The following IL1RAPL1 variants were observed in gnomAD, a reference collection of about 807,000 sequenced individuals.
IL1RAPL1 encodes the protein interleukin-1 receptor accessory protein-like 1.
In IL1RAPL1, 3 loss-of-function variants were observed where a neutral mutation model predicts 48.4. The observed-to-expected ratio is 0.06, with a 90% CI of 0.03 to 0.16. The LOEUF (loss-of-function observed/expected upper bound fraction) is 0.16, where lower values mean the gene tolerates loss of function less well. Among genes scored for constraint, IL1RAPL1 ranks in the 10% least tolerant of loss-of-function variants. The pLI, the probability that IL1RAPL1 is intolerant of heterozygous loss-of-function variation, is 1.00. For missense variants in IL1RAPL1, 349 were observed against 530.6 expected, an observed-to-expected ratio of 0.66 and a Z score of 3.36; for synonymous variants, 185 against 187.7, an observed-to-expected ratio of 0.99 and a Z score of 0.12.
chrX:28,599,659 C>G, intron 1 of IL1RAPL1, among the ~76,000 whole-genome samples: 1 of 111,694 alleles, frequency 9.0e-6, no homozygotes, highest in Middle Eastern at 4.7e-3. Context: ...CTTGAGGGCC[C>G]TATCTGTTGT....
At chrX:29,209,911 A>T (rs1030976319) in intron 2 of IL1RAPL1, among the ~76,000 whole-genome samples, 2 of 111,877 alleles carry the variant, frequency 1.8e-5, no homozygotes, top group Non-Finnish European at 3.8e-5. Flanking sequence ...TTCCTTTTGT[A>T]TTTCATATAT....
intron 5 of IL1RAPL1, among the ~76,000 whole-genome samples, chrX:29,614,788 T>G: frequency 8.9e-6 from 1 of 111,770 alleles, no homozygotes; most frequent in Non-Finnish European, 1.9e-5. Context: ...AAATACAGTA[T>G]GTCTGTTGTT....
intron 5 of IL1RAPL1, among the ~76,000 whole-genome samples, chrX:29,553,699 C>T (rs1473203867): frequency 3.6e-5 from 4 of 110,987 alleles, no homozygotes; most frequent in Non-Finnish European, 7.5e-5. Flanking sequence ...ATACTCTGGG[C>T]ATAGTTCACA....
At chrX:28,946,001 G>T (rs1924293460) in intron 2 of IL1RAPL1, among the ~76,000 whole-genome samples, 1 of 107,749 alleles carries the variant, frequency 9.3e-6, no homozygotes. Flanking sequence ...AAATAACAAT[G>T]TCTAGCATAA....
chrX:28,678,401 A>G (rs1230005045), intron 1 of IL1RAPL1, among the ~76,000 whole-genome samples: 1 of 111,321 alleles, frequency 9.0e-6, no homozygotes, highest in East Asian at 2.8e-4. Context: ...AGGCAAGCAC[A>G]TAATTACATA....
At chrX:29,745,569 C>T (rs759706477) in intron 6 of IL1RAPL1, among the ~76,000 whole-genome samples, 1 of 105,371 alleles carries the variant, frequency 9.5e-6, no homozygotes, top group Non-Finnish European at 1.9e-5. Context: ...GTCCCAGCCT[C>T]TCAAGTAGCT....
intron 6 of IL1RAPL1, among the ~76,000 whole-genome samples, chrX:29,901,452 T>C (rs1932494518): frequency 8.9e-6 from 1 of 112,200 alleles, no homozygotes; most frequent in Admixed American, 9.4e-5. Context: ...TGTGATTCTC[T>C]TGAACAGACC....
chrX:29,763,689 A>G (rs992230873), intron 6 of IL1RAPL1, among the ~76,000 whole-genome samples: 1 of 111,400 alleles, frequency 9.0e-6, no homozygotes, highest in Non-Finnish European at 1.9e-5. Flanking sequence ...ACCATAGACA[A>G]TGAACCAAAG....
At chrX:28,607,671 ATTGCCAC>A (rs1934100908) in intron 1 of IL1RAPL1, among the ~76,000 whole-genome samples, 1 of 110,332 alleles carries the variant, frequency 9.1e-6, no homozygotes, top group African/African-American at 3.3e-5. Flanking sequence ...AAGCATTTTT[ATTGCCAC>A]TCGTGCCTAC....
intron 2 of IL1RAPL1, among the ~76,000 whole-genome samples, chrX:28,986,648 CA>C (rs1925481806): frequency 8.9e-6 from 1 of 112,146 alleles, no homozygotes; most frequent in Admixed American, 9.4e-5. Context: ...TAATTTGAAA[CA>C]TGCTCATTTT....
intron 3 of IL1RAPL1, among the ~76,000 whole-genome samples, chrX:29,303,733 T>C (rs760496581): frequency 2.7e-5 from 3 of 112,172 alleles, no homozygotes; most frequent in Non-Finnish European, 5.6e-5. Flanking sequence ...CCAAGTCGAT[T>C]ATTATTAATG....
intron 5 of IL1RAPL1, among the ~76,000 whole-genome samples, chrX:29,504,829 C>T (rs1207405318): frequency 1.8e-5 from 2 of 111,817 alleles, no homozygotes; most frequent in African/African-American, 3.2e-5. Context: ...AGTCCATTTA[C>T]GTTCAATGTT....
intron 3 of IL1RAPL1, among the ~76,000 whole-genome samples, chrX:29,364,492 G>A (rs1198799034): frequency 9.4e-6 from 1 of 106,037 alleles, no homozygotes; most frequent in East Asian, 2.9e-4. Flanking sequence ...GAACCCGGGA[G>A]GTGGAGGTTG....
chrX:29,100,031 G>A (rs1020421663), intron 2 of IL1RAPL1, among the ~76,000 whole-genome samples: 5 of 109,846 alleles, frequency 4.6e-5, no homozygotes, highest in East Asian at 5.8e-4. Context: ...GGCCAACATG[G>A]TGAAACCCCG....
At chrX:29,758,619 C>T (rs1274032860) in intron 6 of IL1RAPL1, among the ~76,000 whole-genome samples, 1 of 108,890 alleles carries the variant, frequency 9.2e-6, no homozygotes, top group African/African-American at 3.4e-5. Flanking sequence ...TTGCTTGAGC[C>T]CTGGAGGCGG....
chrX:28,757,250 T>C (rs977412203), intron 1 of IL1RAPL1, among the ~76,000 whole-genome samples: 3 of 112,704 alleles, frequency 2.7e-5, no homozygotes, highest in African/African-American at 9.7e-5. Flanking sequence ...TCTTTACCTC[T>C]GTTTCTCATT....
intron 3 of IL1RAPL1, among the ~76,000 whole-genome samples, chrX:29,388,920 T>C (rs748103617): frequency 1.8e-5 from 2 of 112,241 alleles, no homozygotes; most frequent in Non-Finnish European, 3.8e-5. Flanking sequence ...TCATTTTATG[T>C]TGTGTGAATT....
chrX:29,168,807 A>G (rs372801994), intron 2 of IL1RAPL1, among the ~76,000 whole-genome samples: 114 of 48,178 alleles, frequency 2.4e-3, no homozygotes, highest in Non-Finnish European at 3.5e-3. Flanking sequence ...AATTGTATAT[A>G]TATATTCATA....
chrX:29,551,167 A>G (rs1433592601), intron 5 of IL1RAPL1, among the ~76,000 whole-genome samples: 1 of 112,239 alleles, frequency 8.9e-6, no homozygotes, highest in East Asian at 2.8e-4. Context: ...AAGCTGAACA[A>G]TATTCCATTG....
Sources: gnomAD v4.1 joint callset for allele counts (sites outside exome capture counted in the v4.1 genomes callset) on GRCh38, gnomAD v4.1.1 for gene constraint, MANE v1.5 for transcripts, NCBI Gene and HGNC (gene_info 2026-07-23, HGNC 2026-07-21) for gene names.